Variants in TNC observed in about 807,000 individuals in gnomAD.
TNC encodes tenascin C, also known as tenascin.
Under a neutral mutation model 202.4 loss-of-function variants are expected in TNC, and 109 were observed. The observed-to-expected ratio is 0.54, with a 90% CI of 0.46 to 0.63. The LOEUF is 0.63. Ranked by LOEUF, TNC falls within the 30% of genes least tolerant of loss-of-function variation. TNC has a pLI of 0.00. For synonymous variants in TNC, 1,007 were observed against 1,089.7 expected (o/e 0.92, Z 1.50); for missense variants, 2,756 against 2,833.3 (o/e 0.97, Z 0.62).
chr9:115,046,392 C>T lies in TNC; in HGVS notation c.5125+18G>A. ...GAGTCATGACTTTTCTCTGTTCTCTCCTGTTTATTTACAGTACCTGTTGTT... is the reference window on the plus strand; with the variant it reads ...GAGTCATGACTTTTCTCTGTTCTCTTCTGTTTATTTACAGTACCTGTTGTT... On this transcript the variant is annotated intron_variant, in intron 17 of 27. Coordinates refer to ENST00000350763, the MANE Select transcript of TNC (RefSeq NM_002160.4). 6.2e-7 allele frequency: 1 copy of T among 1,612,650 alleles called. No homozygotes were observed. The highest frequency in any genetic ancestry group is 8.5e-7 in the Non-Finnish European group (1 of 1,178,978).
At chr9:115,110,371 C>A (rs1288603072) in intron 1 of TNC, among the ~76,000 whole-genome samples, 1 of 151,966 alleles carries the variant, frequency 6.6e-6, no homozygotes, top group Non-Finnish European at 1.5e-5. Flanking sequence ...TCTTGAGGCC[C>A]AGGAATGTTA....
intron 7 of TNC, 53 bp downstream of exon 7, chr9:115,077,890 A>C: frequency 1.6e-4 from 238 of 1,468,116 alleles, no homozygotes; most frequent in Middle Eastern, 3.6e-4. Flanking sequence ...AGTGGGATGG[A>C]AATCTTTCAA....
intron 9 of TNC, 129 bp from the exon 10 acceptor site, chr9:115,073,995 G>T: frequency 1.1e-6 from 1 of 882,780 alleles, no homozygotes; most frequent in Non-Finnish European, 1.7e-6. Context: ...CCACAGGAGA[G>T]TCACATCTCT....
intron 15 of TNC, among the ~76,000 whole-genome samples, chr9:115,050,093 G>C (rs980844601): frequency 5.3e-5 from 8 of 152,098 alleles, no homozygotes; most frequent in African/African-American, 1.9e-4. Context: ...CTCGAATTCT[G>C]TTCCTGGATT....
Position 115,042,241 on chromosome 9 carries a change from A to G in TNC, c.5226T>C (p.Ile1742=). ...APTAQVESFR[I]TYVPITGGTP... ...TACCTCCTGTAATGGGCACATAGGT[A>G]ATCCGGAAGCTCTCCACTTGGGCTG... Residue 1742 remains isoleucine (I), a synonymous_variant, in exon 18 of 28, where the codon ATT becomes ATC. Transcript: ENST00000350763. 1 of 1,614,122 alleles carries G rather than the reference A, an allele frequency of 6.2e-7. No individual in the cohort carries two copies. The highest frequency in any genetic ancestry group is 8.5e-7 in the Non-Finnish European group (1 of 1,179,966).
intron 1 of TNC, among the ~76,000 whole-genome samples, chr9:115,108,060 T>G (rs901948284): frequency 1.3e-5 from 2 of 152,192 alleles, no homozygotes; most frequent in East Asian, 3.8e-4. Context: ...CTGGCTGTGC[T>G]CATTGATTGT....
In TNC at chr9:115,073,661, G is replaced by C; in HGVS notation, c.3156C>G (p.Leu1052=). The C allele has an allele frequency of 6.2e-7, 1 of 1,614,192 alleles. No homozygotes were observed. Among genetic ancestry groups the C allele is most frequent in the Non-Finnish European group, 8.5e-7 (1 of 1,180,022 alleles). Residue 1052 remains leucine (L), a synonymous_variant, in exon 10 of 28, where the codon CTC becomes CTG. Coordinates refer to ENST00000350763, the MANE Select transcript of TNC (RefSeq NM_002160.4). ...GLEPGQEYNV[L]LTAEKGRHKS... ...TGTGTCTGCCTTTCTCGGCTGTCAG[G>C]AGGACATTGTACTCCTGTCCTGGTT...
At chr9:115,037,443 A>G (rs1830415038) in intron 20 of TNC, among the ~76,000 whole-genome samples, 1 of 152,230 alleles carries the variant, frequency 6.6e-6, no homozygotes, top group Non-Finnish European at 1.5e-5. Flanking sequence ...GGTGCTCTAA[A>G]CAAGTGTTTA....
Position 115,086,364 on chromosome 9 carries a change from C to T in TNC, c.1367G>A (p.Cys456Tyr). The T allele has an allele frequency of 6.2e-7, 1 of 1,614,166 alleles. No homozygotes were observed. The highest frequency in any genetic ancestry group is 1.3e-5 in the African/African-American group (1 of 75,046). The change falls in exon 3 of 28, where the codon TGT becomes TAT. Residue 456 changes from cysteine (C) to tyrosine (Y), a missense_variant. This residue lies in a region of TNC where 2,559 missense variants were observed against 2,546.0 expected (regional missense o/e 1.01). Transcript: ENST00000350763. The stretch of plus-strand genomic sequence containing the variant: ...GTCATAGCCCTTGAAGCCTTGCTCA[C>T]ATACACATTTGCCCTCGACACAGCG... The part of the protein sequence containing the change: ...RGRCVEGKCV[C>Y]EQGFKGYDCS...
chr9:115,035,977 G>T, intron 21 of TNC, 121 bp downstream of exon 21: 1 of 1,158,132 alleles, frequency 8.6e-7, no homozygotes, highest in Non-Finnish European at 1.2e-6. Context: ...TGATGCTGAT[G>T]TAATCACATT....
chr9:115,026,975 G>A (rs1042740166), intron 25 of TNC, among the ~76,000 whole-genome samples: 3 of 151,964 alleles, frequency 2.0e-5, no homozygotes, highest in Admixed American at 1.3e-4. Context: ...TGGGTGTGGT[G>A]GTGGGTGCCT....
Position 115,040,965 on chromosome 9 carries a change from G to C in TNC, c.5368C>G (p.Pro1790Ala). 1.2e-6 allele frequency: 2 copies of C among 1,613,694 alleles called. No homozygotes were observed. Among genetic ancestry groups the C allele is most frequent in the Non-Finnish European group, 1.7e-6 (2 of 1,179,912 alleles). ...CCTGTGGTGAATGACCCTGAGACAG[G>C]TTCACTTTCCTCAAAGCCCTTCATG... ...IAMKGFEESE[P>A]VSGSFTTALD... The change falls in exon 19 of 28, where the codon CCT becomes GCT. Residue 1790 changes from proline to alanine, a missense_variant. Transcript: ENST00000350763.
At chr9:115,039,344 T>G (rs774114091) in intron 19 of TNC, among the ~76,000 whole-genome samples, 1 of 152,238 alleles carries the variant, frequency 6.6e-6, no homozygotes, top group Non-Finnish European at 1.5e-5. Flanking sequence ...CTAAGCAATG[T>G]GTGATGTGTA....
chr9:115,077,261 T>C (rs999500217), intron 7 of TNC, among the ~76,000 whole-genome samples: 4 of 152,126 alleles, frequency 2.6e-5, no homozygotes, highest in African/African-American at 9.7e-5. Context: ...TTTCACTGTG[T>C]TAGCCAGAAT....
chr9:115,116,933 C>A (rs7030031), intron 1 of TNC, among the ~76,000 whole-genome samples: 103,208 of 152,008 alleles, frequency 0.68, 35,476 homozygotes, highest in East Asian at 0.84. Flanking sequence ...AAGACTGGCT[C>A]AATGCCTCTT....
intron 1 of TNC, among the ~76,000 whole-genome samples, chr9:115,092,350 C>A (rs1296241897): frequency 3.3e-5 from 5 of 152,124 alleles, no homozygotes; most frequent in Non-Finnish European, 7.3e-5. Flanking sequence ...TCTCTTAGAG[C>A]TATTCACCTG....
Position 115,041,006 on chromosome 9 carries a change from AGGT to A in TNC, c.5324_5326del (p.Tyr1775_Leu1776delinsPhe). On this transcript the variant is annotated inframe_deletion, in exon 19 of 28. Transcript: ENST00000350763. Reference sequence around the variant, plus strand: ...GCCCTTCATGGCGATGATGCTGACAAGGTACTCCACGCCAGGTATGAGTTTCAC... The same window carrying A: ...GCCCTTCATGGCGATGATGCTGACAAACTCCACGCCAGGTATGAGTTTCAC... 1 of 1,614,090 alleles carries A rather than the reference AGGT, an allele frequency of 6.2e-7. No individual in the cohort carries two copies. The highest frequency in any genetic ancestry group is 8.5e-7 in the Non-Finnish European group (1 of 1,180,018).
At chr9:115,061,307 T>A (rs1188239000) in intron 13 of TNC, among the ~76,000 whole-genome samples, 1 of 152,228 alleles carries the variant, frequency 6.6e-6, no homozygotes, top group East Asian at 1.9e-4. Flanking sequence ...CTGGGGCTTT[T>A]CTAGAAGAAC....
chr9:115,087,470 C>T (rs1448863087), intron 2 of TNC, among the ~76,000 whole-genome samples, 197 bp from the exon 3 acceptor site: 1 of 151,002 alleles, frequency 6.6e-6, no homozygotes, highest in Non-Finnish European at 1.5e-5. Flanking sequence ...AATTCATAAC[C>T]TGAATTCCCT....
Sources: gnomAD v4.1 joint callset for allele counts (sites outside exome capture counted in the v4.1 genomes callset) on GRCh38, gnomAD v4.1.1 for gene constraint, gnomAD v4.1.1 regional missense constraint, MANE v1.5 for transcripts, NCBI Gene and HGNC (gene_info 2026-07-23, HGNC 2026-07-21) for gene names.